The following RNF19A variants were observed in gnomAD, a reference collection of about 807,000 sequenced individuals.
The protein encoded by RNF19A is E3 ubiquitin-protein ligase RNF19A.
In RNF19A, 32 loss-of-function variants were observed where a neutral mutation model predicts 75.7. That is an observed-to-expected ratio of 0.42 (90% CI 0.32 to 0.57). The LOEUF (loss-of-function observed/expected upper bound fraction) is 0.57. Among genes scored for constraint, RNF19A ranks in the 20% least tolerant of loss-of-function variants. The probability of loss-of-function intolerance (pLI) is 0.10; values close to 1 mark genes in which losing one functional copy is unlikely to be tolerated. For missense variants in RNF19A, 782 were observed against 1,036.3 expected, an observed-to-expected ratio of 0.75 and a Z score of 3.37; for synonymous variants, 335 against 345.2, an observed-to-expected ratio of 0.97 and a Z score of 0.33.
At chr8:100,316,506 G>A (rs1822377797) in intron 1 of RNF19A, among the ~76,000 whole-genome samples, 1 of 152,112 alleles carries the variant, frequency 6.6e-6, no homozygotes, top group South Asian at 2.1e-4. Flanking sequence ...GGTTCTCCAT[G>A]TCCCCATCAG....
intron 1 of RNF19A, among the ~76,000 whole-genome samples, chr8:100,319,200 C>T (rs1348079516): frequency 6.6e-6 from 1 of 152,072 alleles, no homozygotes; most frequent in African/African-American, 2.4e-5. Context: ...TGTAGTTAAA[C>T]CTGCTTCAAA....
At chr8:100,277,310 G>T (rs1820568755) in intron 2 of RNF19A, among the ~76,000 whole-genome samples, 1 of 152,022 alleles carries the variant, frequency 6.6e-6, no homozygotes, top group Non-Finnish European at 1.5e-5. Flanking sequence ...TGATCCCTTA[G>T]TATCACACTC....
intron 5 of RNF19A, among the ~76,000 whole-genome samples, chr8:100,265,100 T>C (rs1017349972): frequency 6.6e-6 from 1 of 152,196 alleles, no homozygotes; most frequent in Non-Finnish European, 1.5e-5. Context: ...GAAATTAAGA[T>C]TATTATTTTC....
chr8:100,261,888 C>A lies in RNF19A; in HGVS notation c.1469-133G>T. 3.4e-6 allele frequency: 3 copies of A among 890,624 alleles called. No individual in the cohort carries two copies. Among genetic ancestry groups the A allele is most frequent in the Non-Finnish European group, 3.5e-6 (2 of 578,574 alleles). The allele number at this position is 890,624 out of a possible 1,614,324, so 55.2% of individuals were successfully genotyped here. On this transcript the variant is annotated intron_variant, in intron 7 of 9. Transcript: ENST00000341084. The surrounding 1 kb of genome is among the most constrained non-coding windows in gnomAD (Gnocchi z 4.4). ...CGCAGACATGGAAAAATATTTTTTT[C>A]AGGCTAGTCCACTAGAAGCAGTGGG... is the stretch of plus-strand genomic sequence containing the variant.
rs1034197305 is a variant in RNF19A at position 100,260,164 on chromosome 8, T to C, written c.1683-167A>G. The C allele has an allele frequency of 1.4e-5, 8 of 584,952 alleles. No homozygotes were observed. The highest frequency in any genetic ancestry group is 7.6e-5 in the African/African-American group (4 of 52,552). 36.2% of individuals were successfully genotyped at this position (584,952 alleles called of 1,614,324 possible). ...TTAAATTCTACTGCAGCACACTGCA[T>C]AGTACCAGCCATCCAAATAAAATGG... is the stretch of plus-strand genomic sequence containing the variant. On this transcript the variant is annotated intron_variant, in intron 8 of 9. Coordinates refer to ENST00000341084, the MANE Select transcript of RNF19A (RefSeq NM_183419.4). The surrounding 1 kb of genome is among the most constrained non-coding windows in gnomAD (Gnocchi z 4.1).
chr8:100,269,132 T>C lies in RNF19A; in HGVS notation c.1029-185A>G, dbSNP rs1212727482. ...ATAAATTATATTAACAAGATATTGATATATCTTATTTTATATTATATTTTA... is the reference window on the plus strand; with the variant it reads ...ATAAATTATATTAACAAGATATTGACATATCTTATTTTATATTATATTTTA... On this transcript the variant is annotated intron_variant, in intron 4 of 9. Transcript: ENST00000341084. The surrounding 1 kb of genome is among the most constrained non-coding windows in gnomAD (Gnocchi z 5.7). Among the ~76,000 whole-genome samples, 1 of 150,550 alleles carries C rather than the reference T, an allele frequency of 6.6e-6. No individual in the cohort carries two copies. Among genetic ancestry groups the C allele is most frequent in the African/African-American group, 2.4e-5 (1 of 41,200 alleles).
intron 1 of RNF19A, among the ~76,000 whole-genome samples, chr8:100,302,676 T>C (rs906076885): frequency 1.3e-5 from 2 of 152,012 alleles, no homozygotes; most frequent in African/African-American, 2.4e-5. Flanking sequence ...GTCTGTAGCA[T>C]CCCAACATTA....
At chr8:100,326,397 C>T (rs987556704) in intron 1 of RNF19A, among the ~76,000 whole-genome samples, 3 of 152,060 alleles carry the variant, frequency 2.0e-5, no homozygotes, top group Non-Finnish European at 2.9e-5. Flanking sequence ...TCCCTAATGC[C>T]CACATTCTTT....
Position 100,260,125 on chromosome 8 carries a change from TCCTTTTA to T in RNF19A, c.1683-135_1683-129del. On this transcript the variant is annotated intron_variant, in intron 8 of 9. Coordinates refer to ENST00000341084, the MANE Select transcript of RNF19A (RefSeq NM_183419.4). This position sits in a 1 kb window ranked among gnomAD's most constrained non-coding sequence, Gnocchi z 4.1. ...ATTTTAGGAACCATTATTTTTTATT[TCCTTTTA>T]TTTAATTTAAATTCTACTGCAGCAC... is the stretch of plus-strand genomic sequence containing the variant. The T allele has an allele frequency of 1.3e-6, 1 of 791,314 alleles. No individual in the cohort carries two copies. Among genetic ancestry groups the T allele is most frequent in the East Asian group, 2.7e-5 (1 of 37,218 alleles). The allele number at this position is 791,314 out of a possible 1,614,324, so 49.0% of individuals were successfully genotyped here.
chr8:100,279,433 G>C (rs1820678740), intron 2 of RNF19A, among the ~76,000 whole-genome samples: 1 of 152,260 alleles, frequency 6.6e-6, no homozygotes, highest in African/African-American at 2.4e-5. Flanking sequence ...GAGCACAGTG[G>C]TGCAATCTCG....
At chr8:100,278,838 G>C (rs1298770683) in intron 2 of RNF19A, among the ~76,000 whole-genome samples, 1 of 151,924 alleles carries the variant, frequency 6.6e-6, no homozygotes, top group African/African-American at 2.4e-5. Flanking sequence ...ATTAAAAGCA[G>C]AACATCAACC....
chr8:100,267,375 T>C (rs911784424), intron 5 of RNF19A, among the ~76,000 whole-genome samples: 2 of 152,104 alleles, frequency 1.3e-5, no homozygotes, highest in Non-Finnish European at 2.9e-5. Flanking sequence ...CTTTAGATCC[T>C]TTTTTTATTT....
chr8:100,305,236 C>G (rs764805929), intron 1 of RNF19A, among the ~76,000 whole-genome samples: 6 of 152,164 alleles, frequency 3.9e-5, no homozygotes, highest in African/African-American at 7.2e-5. Context: ...AAGACAGTAA[C>G]GCGCAAAGTC....
chr8:100,302,805 C>G (rs1463403753), intron 1 of RNF19A, among the ~76,000 whole-genome samples: 1 of 152,132 alleles, frequency 6.6e-6, no homozygotes, highest in African/African-American at 2.4e-5. Flanking sequence ...TAGTGTTTTA[C>G]TCATTCCCCT....
chr8:100,277,049 A>G (rs1449876886), intron 2 of RNF19A, among the ~76,000 whole-genome samples: 1 of 152,162 alleles, frequency 6.6e-6, no homozygotes. Context: ...TTACCTCTAT[A>G]AAACTTTCAA....
chr8:100,264,927 G>C lies in RNF19A; in HGVS notation c.1192-142C>G. ...ATCTTAGTTCAAGGTAAACCTACTA[G>C]TGTCCTTAAACTATTATATATTCTC... On this transcript the variant is annotated intron_variant, in intron 5 of 9. Transcript: ENST00000341084. The surrounding 1 kb of genome is among the most constrained non-coding windows in gnomAD (Gnocchi z 4.7). 1 of 618,048 alleles carries C rather than the reference G, an allele frequency of 1.6e-6. No homozygotes were observed. The highest frequency in any genetic ancestry group is 2.8e-5 in the East Asian group (1 of 35,660). 38.3% of individuals were successfully genotyped at this position (618,048 alleles called of 1,614,324 possible).
chr8:100,288,717 T>C (rs1266066395), intron 1 of RNF19A, among the ~76,000 whole-genome samples: 1 of 152,182 alleles, frequency 6.6e-6, no homozygotes, highest in African/African-American at 2.4e-5. Context: ...TAGTGTGCTA[T>C]GCCACAAGGA....
At chr8:100,305,644 G>A (rs1345636736) in intron 1 of RNF19A, among the ~76,000 whole-genome samples, 1 of 152,176 alleles carries the variant, frequency 6.6e-6, no homozygotes, top group African/African-American at 2.4e-5. Context: ...AAATACCTTA[G>A]ATTGTAGATA....
chr8:100,304,905 T>C (rs1027765205), intron 1 of RNF19A, among the ~76,000 whole-genome samples: 1 of 152,192 alleles, frequency 6.6e-6, no homozygotes, highest in South Asian at 2.1e-4. Flanking sequence ...AATTAACTTA[T>C]ACTAATCCAA....
Sources: allele counts gnomAD v4.1 joint callset (sites outside exome capture counted in the v4.1 genomes callset), GRCh38; gene constraint gnomAD v4.1.1; non-coding constraint Gnocchi (gnomAD v3.1); transcripts MANE v1.5; gene names NCBI Gene and HGNC (gene_info 2026-07-23, HGNC 2026-07-21).